Variants in OXR1 observed in about 807,000 individuals in gnomAD.
OXR1 encodes the protein oxidation resistance 1, also known as oxidation resistance protein 1.
OXR1 carries 41 observed loss-of-function variants against 104.6 expected under a neutral mutation model. That is an observed-to-expected ratio of 0.39 (90% CI 0.31 to 0.51). The LOEUF is 0.51. OXR1 is among the 20% of genes least tolerant of loss of function. The pLI is 0.77. For synonymous variants in OXR1, 348 were observed against 348.4 expected (o/e 1.00, Z 0.01); for missense variants, 955 against 1,031.9 (o/e 0.93, Z 1.02).
At chr8:106,649,783 G>C (rs1286436784) in intron 3 of OXR1, among the ~76,000 whole-genome samples, 1 of 151,942 alleles carries the variant, frequency 6.6e-6, no homozygotes, top group African/African-American at 2.4e-5. Flanking sequence ...TGCAACCTCT[G>C]CCTCCCAGGT....
intron 5 of OXR1, among the ~76,000 whole-genome samples, chr8:106,683,602 G>A (rs1353320248): frequency 1.3e-5 from 2 of 152,030 alleles, no homozygotes; most frequent in East Asian, 3.9e-4. Flanking sequence ...ATCAAAGTAA[G>A]GCATCCCTCC....
intron 8 of OXR1, among the ~76,000 whole-genome samples, chr8:106,703,833 G>A (rs1004886287): frequency 2.0e-5 from 3 of 152,108 alleles, no homozygotes; most frequent in Admixed American, 6.5e-5. Flanking sequence ...AAATTGATAT[G>A]TACTAGGAAA....
intron 3 of OXR1, among the ~76,000 whole-genome samples, chr8:106,621,259 T>C (rs1821672981): frequency 6.6e-6 from 1 of 152,122 alleles, no homozygotes; most frequent in African/African-American, 2.4e-5. Flanking sequence ...CTTGATTCTT[T>C]CCATTTAAAA....
At chr8:106,300,321 A>C (rs1294425273) in intron 1 of OXR1, among the ~76,000 whole-genome samples, 1 of 151,886 alleles carries the variant, frequency 6.6e-6, no homozygotes, top group Non-Finnish European at 1.5e-5. Flanking sequence ...ACTTTGATTA[A>C]TTTGAGTCCT....
At chr8:106,528,770 G>T (rs998526346) in intron 3 of OXR1, among the ~76,000 whole-genome samples, 3 of 152,156 alleles carry the variant, frequency 2.0e-5, no homozygotes, top group Admixed American at 6.5e-5. Flanking sequence ...GTGAAACTAG[G>T]TCACCACTGA....
chr8:106,614,313 C>T (rs1353446205), intron 3 of OXR1, among the ~76,000 whole-genome samples: 1 of 152,184 alleles, frequency 6.6e-6, no homozygotes, highest in Non-Finnish European at 1.5e-5. Context: ...TAAACCTAGA[C>T]ATTTAAGTCA....
intron 1 of OXR1, among the ~76,000 whole-genome samples, chr8:106,279,509 T>A (rs1812191973): frequency 6.6e-6 from 1 of 152,136 alleles, no homozygotes; most frequent in Non-Finnish European, 1.5e-5. Flanking sequence ...AAATAAAAGG[T>A]TTTTAGTAGC....
chr8:106,461,001 G>C (rs1317644184), intron 2 of OXR1, among the ~76,000 whole-genome samples: 1 of 151,926 alleles, frequency 6.6e-6, no homozygotes, highest in Non-Finnish European at 1.5e-5. Flanking sequence ...GACATGAAGA[G>C]CTGAACAAGC....
At chr8:106,552,976 T>TGAAGA (rs1815971536) in intron 3 of OXR1, among the ~76,000 whole-genome samples, 2 of 152,196 alleles carry the variant, frequency 1.3e-5, no homozygotes, top group African/African-American at 4.8e-5. Context: ...ATTCTCCTTC[T>TGAAGA]CTTTTATTCC....
At chr8:106,736,298 G>T (rs1321426005) in intron 11 of OXR1, among the ~76,000 whole-genome samples, 1 of 151,980 alleles carries the variant, frequency 6.6e-6, no homozygotes, top group South Asian at 2.1e-4. Context: ...ATGGAAATCT[G>T]TCCAGCCTCT....
At chr8:106,526,482 A>T (rs1236339777) in intron 3 of OXR1, among the ~76,000 whole-genome samples, 1 of 152,250 alleles carries the variant, frequency 6.6e-6, no homozygotes, top group East Asian at 1.9e-4. Context: ...GCTATAATTT[A>T]GAGTATTGAA....
intron 3 of OXR1, chr8:106,522,667 C>G (rs1813348099): frequency 6.6e-6 from 1 of 152,230 alleles, no homozygotes; most frequent in Non-Finnish European, 1.5e-5. Flanking sequence ...GCTTCCATCA[C>G]TAACTGTGTA....
intron 2 of OXR1, among the ~76,000 whole-genome samples, chr8:106,467,203 C>A (rs568364144): frequency 6.6e-6 from 1 of 152,052 alleles, no homozygotes; most frequent in Non-Finnish European, 1.5e-5. Flanking sequence ...CCACTTTTCA[C>A]TTACTTCCTT....
intron 7 of OXR1, among the ~76,000 whole-genome samples, chr8:106,702,142 G>T (rs1362522305): frequency 1.3e-5 from 2 of 152,074 alleles, no homozygotes; most frequent in Admixed American, 1.3e-4. Flanking sequence ...GCTAGTTTGT[G>T]TTTTTCAGTA....
At chr8:106,302,837 C>T (rs1229598164) in intron 1 of OXR1, among the ~76,000 whole-genome samples, 6 of 151,732 alleles carry the variant, frequency 4.0e-5, no homozygotes, top group Non-Finnish European at 8.8e-5. Flanking sequence ...CTGCAAGCTC[C>T]GCCTCCCAGG....
intron 1 of OXR1, among the ~76,000 whole-genome samples, chr8:106,306,520 T>TAAA (rs5893784): frequency 6.9e-6 from 1 of 145,766 alleles, no homozygotes. Context: ...AGCTAAAAAC[T>TAAA]AAAAAAAAAA....
At chr8:106,290,957 G>T (rs896709901) in intron 1 of OXR1, among the ~76,000 whole-genome samples, 9 of 152,104 alleles carry the variant, frequency 5.9e-5, no homozygotes, top group Non-Finnish European at 1.0e-4. Flanking sequence ...ATGGCCAAAA[G>T]AAAATAGATC....
intron 11 of OXR1, among the ~76,000 whole-genome samples, chr8:106,734,027 G>T (rs552291978): frequency 1.9e-3 from 236 of 123,274 alleles, no homozygotes; most frequent in Admixed American, 5.3e-3. Context: ...ATTTTGCTCT[G>T]TTGCCCAGGA....
chr8:106,323,297 A>G (rs543152004), intron 1 of OXR1, among the ~76,000 whole-genome samples: 2 of 152,326 alleles, frequency 1.3e-5, no homozygotes, highest in East Asian at 3.9e-4. Context: ...AAGACTTCCT[A>G]TTCAATAAAT....
Sources: gnomAD v4.1 joint callset for allele counts (sites outside exome capture counted in the v4.1 genomes callset) on GRCh38, gnomAD v4.1.1 for gene constraint, MANE v1.5 for transcripts, NCBI Gene and HGNC (gene_info 2026-07-23, HGNC 2026-07-21) for gene names.